SLC8A1: variants seen among roughly 807,000 people sequenced by gnomAD.
The protein encoded by SLC8A1 is sodium/calcium exchanger 1.
SLC8A1 carries 18 observed loss-of-function variants against 68.3 expected under a neutral mutation model. The ratio of observed to expected loss-of-function variants is 0.26; its 90% CI spans 0.18 to 0.39. SLC8A1 has a LOEUF of 0.39. Among genes scored for constraint, SLC8A1 ranks in the 10% least tolerant of loss-of-function variants. The pLI is 1.00. For synonymous variants in SLC8A1, 475 were observed against 415.5 expected, an observed-to-expected ratio of 1.14 and a Z score of -1.74; for missense variants, 985 against 1,156.7, an observed-to-expected ratio of 0.85 and a Z score of 2.15.
chr2:40,488,234 A>G (rs2149920506), intron 1 of SLC8A1, among the ~76,000 whole-genome samples: 1 of 151,960 alleles, frequency 6.6e-6, no homozygotes, highest in Admixed American at 6.6e-5. Context: ...AGAAAAAAAA[A>G]AAAAAGACTG....
intron 1 of SLC8A1, among the ~76,000 whole-genome samples, chr2:40,436,726 G>C (rs1699492890): frequency 6.6e-6 from 1 of 151,978 alleles, no homozygotes; most frequent in South Asian, 2.1e-4. Context: ...AGAACACCAA[G>C]CATTTAAATT....
intron 1 of SLC8A1, among the ~76,000 whole-genome samples, chr2:40,505,982 C>T (rs904489288): frequency 2.0e-5 from 3 of 152,042 alleles, no homozygotes; most frequent in Non-Finnish European, 4.4e-5. Context: ...TCTAAACCAT[C>T]GTTGAACATA....
intron 2 of SLC8A1, among the ~76,000 whole-genome samples, chr2:40,195,129 G>C (rs1034829799): frequency 6.6e-6 from 1 of 152,072 alleles, no homozygotes; most frequent in African/African-American, 2.4e-5. Flanking sequence ...AGGATGAACT[G>C]AAGTCTTGAA....
intron 4 of SLC8A1, among the ~76,000 whole-genome samples, chr2:40,167,646 T>C (rs536173847): frequency 6.6e-6 from 1 of 152,306 alleles, no homozygotes; most frequent in African/African-American, 2.4e-5. Context: ...TTCCACACTT[T>C]TATCCCTTTA....
intron 2 of SLC8A1, among the ~76,000 whole-genome samples, chr2:40,196,432 A>C (rs770625189): frequency 6.6e-6 from 1 of 151,998 alleles, no homozygotes; most frequent in Non-Finnish European, 1.5e-5. Flanking sequence ...AGTTTTATGG[A>C]AGGAACATAA....
exon 8 of SLC8A1, chr2:40,104,065 A>C (rs1249023663): frequency 6.6e-6 from 1 of 152,230 alleles, no homozygotes; most frequent in Non-Finnish European, 1.5e-5. Context: ...CCTCTGAAAC[A>C]ATTAAAGATT....
chr2:40,332,348 G>A (rs1018760033), intron 2 of SLC8A1, among the ~76,000 whole-genome samples: 6 of 145,582 alleles, frequency 4.1e-5, no homozygotes, highest in African/African-American at 1.5e-4. Flanking sequence ...TCCTGACTCT[G>A]GATTTACCCT....
At chr2:40,493,076 C>G (rs1162956472) in intron 1 of SLC8A1, among the ~76,000 whole-genome samples, 1 of 152,032 alleles carries the variant, frequency 6.6e-6, no homozygotes, top group Non-Finnish European at 1.5e-5. Flanking sequence ...TTCACAATAG[C>G]AAAGACTTGG....
chr2:40,258,281 G>C (rs1042387938), intron 2 of SLC8A1, among the ~76,000 whole-genome samples: 2 of 152,112 alleles, frequency 1.3e-5, no homozygotes, highest in African/African-American at 2.4e-5. Context: ...CTCTGGGATG[G>C]GTTCTAGCCA....
intron 2 of SLC8A1, among the ~76,000 whole-genome samples, chr2:40,275,327 G>A (rs2066563167): frequency 6.6e-6 from 1 of 152,186 alleles, no homozygotes; most frequent in Non-Finnish European, 1.5e-5. Flanking sequence ...GAGAACTTAT[G>A]TTCTTAACTT....
chr2:40,329,102 G>T (rs71439294), intron 2 of SLC8A1, among the ~76,000 whole-genome samples: 26,955 of 132,006 alleles, frequency 0.2, 3,061 homozygotes, highest in East Asian at 0.39. Context: ...ACACACACAC[G>T]CACTGGACTA....
chr2:40,317,810 T>C (rs2149329144), intron 2 of SLC8A1, among the ~76,000 whole-genome samples: 1 of 152,210 alleles, frequency 6.6e-6, no homozygotes, highest in Non-Finnish European at 1.5e-5. Flanking sequence ...AAACAGTAAA[T>C]TTGTGTTATG....
chr2:40,103,483 T>C (rs1178691712), exon 8 of SLC8A1: 1 of 152,216 alleles, frequency 6.6e-6, no homozygotes, highest in African/African-American at 2.4e-5. Flanking sequence ...TTAGAATAAT[T>C]ACACCTTTAA....
At chr2:40,248,060 T>A (rs1458927850) in intron 2 of SLC8A1, among the ~76,000 whole-genome samples, 1 of 152,210 alleles carries the variant, frequency 6.6e-6, no homozygotes, top group Admixed American at 6.5e-5. Flanking sequence ...TAAGGTATGT[T>A]CTCTATTACA....
intron 2 of SLC8A1, among the ~76,000 whole-genome samples, chr2:40,182,041 A>G (rs1573685356): frequency 6.6e-6 from 1 of 152,232 alleles, no homozygotes; most frequent in African/African-American, 2.4e-5. Flanking sequence ...CCATTGCCAC[A>G]CCAATCCCAT....
intron 6 of SLC8A1, among the ~76,000 whole-genome samples, chr2:40,155,349 T>C (rs759382722): frequency 6.6e-6 from 1 of 152,128 alleles, no homozygotes; most frequent in Non-Finnish European, 1.5e-5. Context: ...CAGGATGGTC[T>C]CCATCTCCTG....
At chr2:40,286,906 G>A (rs1385415147) in intron 2 of SLC8A1, among the ~76,000 whole-genome samples, 1 of 152,210 alleles carries the variant, frequency 6.6e-6, no homozygotes, top group Non-Finnish European at 1.5e-5. Flanking sequence ...ACGTTCAAGT[G>A]AAAGATGATG....
At chr2:40,175,647 C>T (rs1168325920) in intron 3 of SLC8A1, among the ~76,000 whole-genome samples, 1 of 152,036 alleles carries the variant, frequency 6.6e-6, no homozygotes, top group East Asian at 1.9e-4. Flanking sequence ...GAAATTCATT[C>T]TTAACTTGAT....
At chr2:40,496,011 T>C (rs1246662468) in intron 1 of SLC8A1, among the ~76,000 whole-genome samples, 5 of 151,590 alleles carry the variant, frequency 3.3e-5, no homozygotes, top group Non-Finnish European at 7.4e-5. Flanking sequence ...TAAAACAGAC[T>C]CATTCAGGGG....
Sources: allele counts gnomAD v4.1 joint callset (sites outside exome capture counted in the v4.1 genomes callset), GRCh38; gene constraint gnomAD v4.1.1; transcripts MANE v1.5; gene names NCBI Gene and HGNC (gene_info 2026-07-23, HGNC 2026-07-21).